Variants in TEP1 observed in about 807,000 individuals in gnomAD.
TEP1 encodes telomerase protein component 1.
TEP1 carries 241 observed loss-of-function variants against 306.3 expected under a neutral mutation model. The observed-to-expected ratio is 0.79, with a 90% CI of 0.71 to 0.88. TEP1 has a LOEUF of 0.88. TEP1 is among the 40% of genes least tolerant of loss of function. The pLI, the probability that TEP1 is intolerant of heterozygous loss-of-function variation, is 0.00. For missense variants in TEP1, 3,051 were observed against 3,276.1 expected, an observed-to-expected ratio of 0.93 and a Z score of 1.68; for synonymous variants, 1,289 against 1,305.5, an observed-to-expected ratio of 0.99 and a Z score of 0.27.
chr14:20,397,877 C>T (rs915190576), intron 9 of TEP1, among the ~76,000 whole-genome samples: 15 of 152,078 alleles, frequency 9.9e-5, no homozygotes, highest in Middle Eastern at 3.4e-3. Flanking sequence ...CCTCAGCCTC[C>T]GAGTAGCTGG....
chr14:20,384,280 C>T lies in TEP1; in HGVS notation c.3340-48G>A, dbSNP rs745369528. On this transcript the variant is annotated intron_variant, in intron 23 of 54. Transcript: ENST00000262715. ...CTATCCATGGTGCCATGCTCCTCAG[C>T]ACTCCCAGGCTAAAACTCACAGAGC... The T allele has an allele frequency of 3.1e-6, 5 of 1,608,510 alleles. No individual in the cohort carries two copies. The South Asian group carries it at 3.3e-5, about 11-fold the overall frequency.
intron 19 of TEP1, 99 bp from the exon 20 acceptor site, chr14:20,386,294 G>A (rs1877140211): frequency 1.3e-6 from 2 of 1,596,094 alleles, no homozygotes; most frequent in Admixed American, 1.8e-5. Context: ...TCGCAACTGA[G>A]TAAAGAAAAG....
At position 20,400,976 on chromosome 14, in the gene TEP1, C is replaced by T; in HGVS notation, c.1549+8G>A. 1 of 1,613,426 alleles carries T rather than the reference C, an allele frequency of 6.2e-7. No homozygotes were observed. The highest frequency in any genetic ancestry group is 2.2e-5 in the East Asian group (1 of 44,874). Reference sequence around the variant, plus strand: ...AAGGAGGGAATGTGATGGTCAAGGTCACTCTACCAATGAGTTCCTCCCAGA... The same window carrying T: ...AAGGAGGGAATGTGATGGTCAAGGTTACTCTACCAATGAGTTCCTCCCAGA... On this transcript the variant is annotated splice_region_variant and intron_variant, in intron 9 of 54. Transcript: ENST00000262715.
At chr14:20,402,067 A>T (rs1392965364) in intron 7 of TEP1, among the ~76,000 whole-genome samples, 1 of 152,192 alleles carries the variant, frequency 6.6e-6, no homozygotes, top group African/African-American at 2.4e-5. Flanking sequence ...TTTGAATCCC[A>T]GCTACTCGGG....
rs1884510809 is a variant in TEP1, at chr14:20,367,090, A to T, written c.*1347T>A. On this transcript the variant is annotated 3_prime_UTR_variant, in exon 55 of 55. Coordinates refer to ENST00000262715, the MANE Select transcript of TEP1 (RefSeq NM_007110.5). ...AATAAAGTTCTTTTATGGGCCGGGC[A>T]CAATGGCTCACGCCTGTAATCCCAG... 6.6e-6 allele frequency: 1 copy of T among 152,230 alleles called. No homozygotes were observed. Among genetic ancestry groups the T allele is most frequent in the South Asian group, 2.1e-4 (1 of 4,832 alleles). 9.4% of individuals were successfully genotyped at this position (152,230 alleles called of 1,614,324 possible).
rs114345839 is a variant in TEP1, at chr14:20,378,704, G to T, written c.5352+50C>A. 1,534 of 1,597,882 alleles carry T rather than the reference G, an allele frequency of 9.6e-4. 12 individuals carry two copies. In the African/African-American group the frequency reaches 0.018, roughly 19 times the overall value. ...GCACTGAGAGAACAAATTCACGAGG[G>T]TGAGTCATGGCTCAGGGCCACTCTG... is the stretch of plus-strand genomic sequence containing the variant. On this transcript the variant is annotated intron_variant, in intron 37 of 54. Transcript: ENST00000262715.
chr14:20,389,666 C>T lies in TEP1; in HGVS notation c.2409G>A (p.Gln803=). The change falls in exon 16 of 55, where the codon CAG becomes CAA. Residue 803 remains glutamine (Q), a synonymous_variant. Transcript: ENST00000262715. ...MINVAKQLYW[Q]RVNSKCLFVG... is the part of the protein sequence containing the mutation. The stretch of plus-strand genomic sequence containing the variant: ...CAAAGAGGCACTTGGAATTCACACG[C>T]TGCCAGTAAAGCTGTTTGGCCACAT... 4 of 1,614,240 alleles carry T rather than the reference C, an allele frequency of 2.5e-6. No homozygotes were observed. Among genetic ancestry groups the T allele is most frequent in the Non-Finnish European group, 3.4e-6 (4 of 1,180,036 alleles).
At position 20,365,741 on chromosome 14, in the gene TEP1, C is replaced by G. The variant is rs1264871015; in HGVS notation, c.*2696G>C. ...TTCCTACACAGTTTCTAAATGGTTA[C>G]TCTCAACTTCCGTACTTATCTCATT... On this transcript the variant is annotated 3_prime_UTR_variant, in exon 55 of 55. Transcript: ENST00000262715. The G allele has an allele frequency of 1.3e-5, 2 of 152,212 alleles. No homozygotes were observed. The highest frequency in any genetic ancestry group is 2.9e-5 in the Non-Finnish European group (2 of 68,044). 9.4% of individuals were successfully genotyped at this position (152,212 alleles called of 1,614,324 possible). A position where few individuals can be genotyped will look rare whatever the true frequency, so the allele number is the denominator to read the frequency against.
intron 41 of TEP1, 36 bp downstream of exon 41, chr14:20,377,244 A>T (rs770514028): frequency 6.7e-7 from 1 of 1,489,808 alleles, no homozygotes; most frequent in South Asian, 1.2e-5. Context: ...AGAAAAGAAC[A>T]GTAATTTGTT....
At chr14:20,388,274 T>C (rs111873622) in intron 17 of TEP1, among the ~76,000 whole-genome samples, 7,806 of 152,284 alleles carry the variant, frequency 0.051, 207 homozygotes, top group South Asian at 0.088. Context: ...AGCCCAGCTC[T>C]AGCCCCTCCT....
chr14:20,391,573 T>G (rs1439936180), intron 13 of TEP1, 26 bp downstream of exon 13: 11 of 1,603,332 alleles, frequency 6.9e-6, no homozygotes, highest in East Asian at 2.2e-5. Flanking sequence ...ACCCAACCCC[T>G]TGGAGGATGC....
intron 35 of TEP1, 115 bp downstream of exon 35, chr14:20,379,815 G>A: frequency 7.2e-7 from 1 of 1,387,616 alleles, no homozygotes. Flanking sequence ...TGTGCAGGCA[G>A]TAAAGTTGCT....
At chr14:20,369,886 TAAC>T in intron 51 of TEP1, 107 bp from the exon 52 acceptor site, 3 of 770,888 alleles carry the variant, frequency 3.9e-6, no homozygotes, top group Non-Finnish European at 4.2e-6. Flanking sequence ...TTTTTTTTTT[TAAC>T]TACAACTTAG....
rs1879104223 is a variant in TEP1 at position 20,405,445 on chromosome 14, C to T, written c.870+6G>A. 6.2e-7 allele frequency: 1 copy of T among 1,613,798 alleles called. No homozygotes were observed. The highest frequency in any genetic ancestry group is 1.3e-5 in the African/African-American group (1 of 74,906). ...CACCCCCATCCCCTCCTTCACACCT[C>T]AATACCTTGAGGATAAACTCAGGCT... is the stretch of plus-strand genomic sequence containing the variant. On this transcript the variant is annotated splice_donor_region_variant and intron_variant, in intron 4 of 54. Coordinates refer to ENST00000262715, the MANE Select transcript of TEP1 (RefSeq NM_007110.5).
intron 9 of TEP1, among the ~76,000 whole-genome samples, chr14:20,398,178 G>C (rs1210411499): frequency 6.6e-6 from 1 of 151,902 alleles, no homozygotes; most frequent in Non-Finnish European, 1.5e-5. Flanking sequence ...AGGAGATCAA[G>C]ACCATCCTCG....
chr14:20,401,729 G>T, intron 7 of TEP1, 148 bp from the exon 8 acceptor site: 1 of 1,199,818 alleles, frequency 8.3e-7, no homozygotes, highest in Non-Finnish European at 1.2e-6. Flanking sequence ...GGAATAGAGG[G>T]TACAAATCTC....
intron 9 of TEP1, among the ~76,000 whole-genome samples, chr14:20,397,464 A>C (rs1012524068): frequency 2.6e-5 from 4 of 152,076 alleles, no homozygotes; most frequent in Admixed American, 2.0e-4. Flanking sequence ...AACCGAGATC[A>C]CGCCACTGCA....
Position 20,381,070 on chromosome 14 carries a change from T to C in TEP1, c.4648-25A>G, listed in dbSNP as rs1361109429. 4 of 1,587,928 alleles carry C rather than the reference T, an allele frequency of 2.5e-6. No individual in the cohort carries two copies. Among genetic ancestry groups the C allele is most frequent in the South Asian group, 1.1e-5 (1 of 90,556 alleles). ...GCTGAGAAGGTCAGATTGAATTCATTAGGGATATGAAGGGGCTGGTGAGAA... is the reference window on the plus strand; with the variant it reads ...GCTGAGAAGGTCAGATTGAATTCATCAGGGATATGAAGGGGCTGGTGAGAA... On this transcript the variant is annotated intron_variant, in intron 32 of 54. Transcript: ENST00000262715. The surrounding 1 kb of genome is among the most constrained non-coding windows in gnomAD (Gnocchi z 4.0).
chr14:20,369,664 T>TA lies in TEP1; in HGVS notation c.7423+9dup. 1 of 1,613,776 alleles carries TA rather than the reference T, an allele frequency of 6.2e-7. No homozygotes were observed. Among genetic ancestry groups the TA allele is most frequent in the Non-Finnish European group, 8.5e-7 (1 of 1,179,678 alleles). ...CTCCCGGCTCCTCAGGTCCTCCTGT[T>TA]ACCACTCACCAGATTCAGGTTTGGC... On this transcript the variant is annotated intron_variant, in intron 52 of 54. Transcript: ENST00000262715.
Sources: gnomAD v4.1 joint callset for allele counts (sites outside exome capture counted in the v4.1 genomes callset) on GRCh38, gnomAD v4.1.1 for gene constraint, Gnocchi (gnomAD v3.1) non-coding constraint, MANE v1.5 for transcripts, NCBI Gene and HGNC (gene_info 2026-07-23, HGNC 2026-07-21) for gene names.